PRR5: variants seen among roughly 807,000 people sequenced by gnomAD.
PRR5 encodes proline rich 5, also known as proline-rich protein 5.
Under a neutral mutation model 30.6 loss-of-function variants are expected in PRR5, and 25 were observed. The observed-to-expected ratio is 0.82, with a 90% confidence interval of 0.60 to 1.14. The LOEUF is 1.14. Among genes scored for constraint, PRR5 ranks in the 50% most tolerant of loss-of-function variants. The pLI is 0.00. For missense variants in PRR5, 600 were observed against 547.1 expected (o/e 1.10, Z -0.96); for synonymous variants, 286 against 247.1 (o/e 1.16, Z -1.48).
chr22:44,725,426 G>C (rs903869839), intron 3 of PRR5, 134 bp downstream of exon 3: 18 of 1,205,968 alleles, frequency 1.5e-5, no homozygotes, highest in Middle Eastern at 2.5e-4. Context: ...GACCTGCCTC[G>C]TTCCTTATCT....
At chr22:44,679,531 C>T (rs753801777) in intron 1 of PRR5, 52 of 283,776 alleles carry the variant, frequency 1.8e-4, no homozygotes, top group Non-Finnish European at 3.3e-4. Context: ...ATGGAGAAAC[C>T]CCATCTCTAC....
chr22:44,706,361 G>C (rs1927200723), intron 1 of PRR5, among the ~76,000 whole-genome samples: 1 of 152,184 alleles, frequency 6.6e-6, no homozygotes, highest in South Asian at 2.1e-4. Context: ...CTGGAGCTTA[G>C]AGTTCCCAGA....
chr22:44,725,629 C>A (rs561559633), intron 3 of PRR5, among the ~76,000 whole-genome samples: 1 of 152,120 alleles, frequency 6.6e-6, no homozygotes, highest in Admixed American at 6.6e-5. Context: ...CACCATCACG[C>A]CTGGCTAATT....
At chr22:44,672,870 A>T (rs111590889), upstream of PRR5, among the ~76,000 whole-genome samples, 1 of 152,152 alleles carries the variant, frequency 6.6e-6, no homozygotes, top group Non-Finnish European at 1.5e-5. Context: ...GACTGCCCAG[A>T]GCCATAGCAA....
rs1480937656 is a variant in PRR5, at chr22:44,691,977, C to T, written c.-10-10515C>T. ...GGCTCAATTGATGCCATCAGGAACG[C>T]GGGCCAAGTTTTGATGGGCTGTTTC... On this transcript the variant is annotated intron_variant, in intron 1 of 8. Coordinates refer to the PRR5 transcript ENST00000006251. This position sits in a 1 kb window ranked among gnomAD's most constrained non-coding sequence, Gnocchi z 4.4. Among the ~76,000 whole-genome samples the T allele has an allele frequency of 2.6e-5, 4 of 152,226 alleles. No homozygotes were observed. The highest frequency in any genetic ancestry group is 2.1e-4 in the South Asian group (1 of 4,824).
intron 1 of PRR5, among the ~76,000 whole-genome samples, chr22:44,692,810 C>G (rs566442946): frequency 6.6e-6 from 1 of 152,214 alleles, no homozygotes; most frequent in African/African-American, 2.4e-5. Context: ...GGGATGTTCC[C>G]CGGGCCTGCC....
intron 1 of PRR5, among the ~76,000 whole-genome samples, chr22:44,712,673 A>C (rs1202211436): frequency 6.6e-6 from 1 of 152,158 alleles, no homozygotes; most frequent in Non-Finnish European, 1.5e-5. Flanking sequence ...GGACGTTAGG[A>C]GCATGGTGGC....
At chr22:44,732,869 A>G (rs1602096675) in intron 6 of PRR5, among the ~76,000 whole-genome samples, 1 of 138,758 alleles carries the variant, frequency 7.2e-6, no homozygotes, top group South Asian at 2.2e-4. Context: ...CGCACATACT[A>G]CACACTGCAC....
intron 4 of PRR5, among the ~76,000 whole-genome samples, chr22:44,729,084 C>T (rs1354332869): frequency 6.6e-6 from 1 of 152,192 alleles, no homozygotes; most frequent in Non-Finnish European, 1.5e-5. Context: ...TGGTCCTCTG[C>T]TGGGCCCTGG....
At chr22:44,736,474 CG>C (rs5845667) in intron 7 of PRR5, among the ~76,000 whole-genome samples, 7,613 of 152,280 alleles carry the variant, frequency 0.05, 261 homozygotes, top group Admixed American at 0.087. Flanking sequence ...AACTGAGGCA[CG>C]GGGGTGAGGT....
intron 1 of PRR5, among the ~76,000 whole-genome samples, chr22:44,669,327 G>A (rs1399460433): frequency 6.6e-6 from 1 of 152,210 alleles, no homozygotes; most frequent in Non-Finnish European, 1.5e-5. Flanking sequence ...GGCTCAGCCT[G>A]TGGCCCCCAC....
In PRR5 at chr22:44,691,770, A is replaced by G. The variant is rs997193181; in HGVS notation, c.-10-10722A>G. Among the ~76,000 whole-genome samples, 3 of 151,782 alleles carry G rather than the reference A, an allele frequency of 2.0e-5. No homozygotes were observed. The highest frequency in any genetic ancestry group is 4.4e-5 in the Non-Finnish European group (3 of 67,892). Reference sequence around the variant, plus strand: ...GCCTGCGCGACGGGAGCAAGACTCCATCTCAAAAAAAAAAAGACACTGAAA... The same window carrying G: ...GCCTGCGCGACGGGAGCAAGACTCCGTCTCAAAAAAAAAAAGACACTGAAA... On this transcript the variant is annotated intron_variant, in intron 1 of 8. Transcript: ENST00000006251. This position sits in a 1 kb window ranked among gnomAD's most constrained non-coding sequence, Gnocchi z 4.4.
At chr22:44,706,113 CT>C (rs1927153976) in intron 1 of PRR5, among the ~76,000 whole-genome samples, 1 of 152,106 alleles carries the variant, frequency 6.6e-6, no homozygotes, top group Non-Finnish European at 1.5e-5. Flanking sequence ...TCCCCTTTCT[CT>C]TGTAAAAACA....
intron 1 of PRR5, among the ~76,000 whole-genome samples, chr22:44,670,625 G>A (rs1229958975): frequency 6.6e-6 from 1 of 152,214 alleles, no homozygotes. Context: ...GTGGCGATGG[G>A]GATACTTGCA....
At chr22:44,711,343 G>C (rs542462659) in intron 1 of PRR5, among the ~76,000 whole-genome samples, 7 of 152,282 alleles carry the variant, frequency 4.6e-5, no homozygotes, top group African/African-American at 1.7e-4. Context: ...GGAACAGCAG[G>C]ATGGAGGCCC....
chr22:44,720,735 C>T (rs960822125), intron 2 of PRR5, among the ~76,000 whole-genome samples: 2 of 152,132 alleles, frequency 1.3e-5, no homozygotes, highest in East Asian at 1.9e-4. Flanking sequence ...CATTGGGGTC[C>T]GGGAGAGTTG....
At chr22:44,714,538 C>G (rs1273958369) in intron 1 of PRR5, 53 bp from the exon 2 acceptor site, 1 of 1,603,586 alleles carries the variant, frequency 6.2e-7, no homozygotes, top group Admixed American at 1.7e-5. Context: ...TGATGGGCAA[C>G]CAGGGGGCTC....
At chr22:44,732,213 G>T (rs1922134775) in intron 5 of PRR5, 38 bp from the exon 6 acceptor site, 1 of 1,605,138 alleles carries the variant, frequency 6.2e-7, no homozygotes, top group Non-Finnish European at 8.5e-7. Context: ...GGACGCATGT[G>T]ACCACAGCCG....
chr22:44,708,620 C>T (rs1418075050), intron 1 of PRR5, among the ~76,000 whole-genome samples: 2 of 152,078 alleles, frequency 1.3e-5, no homozygotes, highest in Non-Finnish European at 2.9e-5. Context: ...CCCACAGTAA[C>T]CTTTAAGGTG....
Sources: allele counts gnomAD v4.1 joint callset (sites outside exome capture counted in the v4.1 genomes callset), GRCh38; gene constraint gnomAD v4.1.1; non-coding constraint Gnocchi (gnomAD v3.1); transcripts MANE v1.5; gene names NCBI Gene and HGNC (gene_info 2026-07-23, HGNC 2026-07-21).